The following LRRC37A2 variants were observed in gnomAD, a reference collection of about 807,000 sequenced individuals.
LRRC37A2 encodes the protein leucine-rich repeat-containing protein 37A2.
In LRRC37A2, 9 loss-of-function variants were observed where a neutral mutation model predicts 68.8. The observed-to-expected ratio is 0.13, with a 90% CI of 0.08 to 0.23. The LOEUF (loss-of-function observed/expected upper bound fraction) is 0.23, where lower values mean the gene tolerates loss of function less well. LRRC37A2 is among the 10% of genes least tolerant of loss of function. The pLI is 1.00. For synonymous variants in LRRC37A2, 63 were observed against 367.6 expected (o/e 0.17, Z 9.48); for missense variants, 168 against 950.4 (o/e 0.18, Z 10.82).
the LRRC37A2 span, among the ~76,000 whole-genome samples, chr17:46,969,199 A>G: frequency 1.3e-5 from 2 of 152,202 alleles, no homozygotes; most frequent in Admixed American, 6.5e-5. Context: ...CCAGGTTTCC[A>G]GAGCCTTCTT....
the LRRC37A2 span, among the ~76,000 whole-genome samples, chr17:46,809,637 G>T: frequency 1.3e-5 from 2 of 152,104 alleles, no homozygotes; most frequent in Admixed American, 1.3e-4. Flanking sequence ...CTTTGCCCTC[G>T]CCCCCCTCAC....
At chr17:46,721,741 C>A in the LRRC37A2 span, 1 of 1,605,358 alleles carries the variant, frequency 6.2e-7, no homozygotes, top group South Asian at 1.1e-5. Flanking sequence ...CGGGGATTCT[C>A]TTGCCCACAA....
chr17:46,657,974 T>TTA, the LRRC37A2 span, among the ~76,000 whole-genome samples: 2 of 13,454 alleles, frequency 1.5e-4, no homozygotes, highest in South Asian at 2.9e-3. Flanking sequence ...TTATTTATTT[T>TTA]TTTTTTTTTT....
the LRRC37A2 span, among the ~76,000 whole-genome samples, chr17:46,724,407 A>G: frequency 6.6e-6 from 1 of 152,206 alleles, no homozygotes; most frequent in Non-Finnish European, 1.5e-5. Flanking sequence ...CTAATAGATA[A>G]TAGAGGCCCC....
At chr17:46,708,796 C>G in the LRRC37A2 span, among the ~76,000 whole-genome samples, 1 of 97,482 alleles carries the variant, frequency 1.0e-5, no homozygotes, top group African/African-American at 3.7e-5. Flanking sequence ...ACTTGGCCAC[C>G]ATTTATTTTA....
chr17:46,916,895 C>T, the LRRC37A2 span: 1 of 152,236 alleles, frequency 6.6e-6, no homozygotes, highest in African/African-American at 2.4e-5. Flanking sequence ...AACAGACAGA[C>T]AATGGCAGCC....
the LRRC37A2 span, among the ~76,000 whole-genome samples, chr17:46,779,099 A>ACCCC: frequency 1.2e-4 from 16 of 128,642 alleles, 1 homozygote; most frequent in East Asian, 9.4e-4. Flanking sequence ...ACACACACAC[A>ACCCC]CACACCCCAG....
chr17:47,027,893 A>C, the LRRC37A2 span, among the ~76,000 whole-genome samples: 3 of 151,984 alleles, frequency 2.0e-5, no homozygotes, highest in African/African-American at 7.3e-5. Flanking sequence ...TTTGGTTGAC[A>C]AAACTGTGAG....
chr17:46,923,472 C>T, the LRRC37A2 span: 21 of 1,392,572 alleles, frequency 1.5e-5, no homozygotes, highest in Non-Finnish European at 1.9e-5. Context: ...TGACTACCTG[C>T]TGGGTAGACT....
chr17:46,941,244 A>G, the LRRC37A2 span: 1 of 994,092 alleles, frequency 1.0e-6, no homozygotes, highest in Non-Finnish European at 1.2e-6. Context: ...TTCACTGCGG[A>G]GTTCTGTACA....
chr17:46,933,015 A>C, the LRRC37A2 span: 3 of 152,296 alleles, frequency 2.0e-5, no homozygotes, highest in Admixed American at 2.0e-4. Context: ...AATTTTCCCA[A>C]GTGTTTCAGG....
the LRRC37A2 span, among the ~76,000 whole-genome samples, chr17:46,390,147 G>GAC: frequency 3.8e-5 from 5 of 131,546 alleles, no homozygotes; most frequent in Non-Finnish European, 8.5e-5. Flanking sequence ...CTGTGTGGCG[G>GAC]AGAGACAGCA....
chr17:46,875,420 G>A, the LRRC37A2 span: 1 of 1,511,046 alleles, frequency 6.6e-7, no homozygotes. Flanking sequence ...ACACAGCTGG[G>A]GAGCATGGCT....
the LRRC37A2 span, among the ~76,000 whole-genome samples, chr17:46,842,361 G>C: frequency 5.3e-5 from 8 of 152,092 alleles, no homozygotes; most frequent in Non-Finnish European, 1.0e-4. Flanking sequence ...GTTACAGTTA[G>C]CTTTAAATCT....
At chr17:46,938,570 G>C in the LRRC37A2 span, 1 of 1,578,734 alleles carries the variant, frequency 6.3e-7, no homozygotes, top group Non-Finnish European at 8.7e-7. Context: ...CTTGATGTTT[G>C]TTTTTTTTTC....
the LRRC37A2 span, among the ~76,000 whole-genome samples, chr17:46,864,234 C>A: frequency 6.6e-6 from 1 of 152,146 alleles, no homozygotes; most frequent in Non-Finnish European, 1.5e-5. Context: ...CCAGAGTCAC[C>A]CAGTACCCTG....
chr17:46,810,007 T>TTC, the LRRC37A2 span, among the ~76,000 whole-genome samples: 1 of 146,294 alleles, frequency 6.8e-6, no homozygotes, highest in African/African-American at 2.5e-5. Context: ...TTTCTTTCTT[T>TTC]TTTTTTTTTT....
the LRRC37A2 span, among the ~76,000 whole-genome samples, chr17:46,866,770 C>T: frequency 6.6e-6 from 1 of 152,120 alleles, no homozygotes; most frequent in Non-Finnish European, 1.5e-5. Context: ...CTAGAAACCA[C>T]CTGCCTTGTC....
the LRRC37A2 span, among the ~76,000 whole-genome samples, chr17:47,001,205 A>G: frequency 2.0e-5 from 3 of 152,174 alleles, no homozygotes; most frequent in Admixed American, 2.0e-4. Context: ...ACTGAGTATT[A>G]TGGGGGTATT....
Sources: allele counts gnomAD v4.1 joint callset (sites outside exome capture counted in the v4.1 genomes callset), GRCh38; gene constraint gnomAD v4.1.1; transcripts MANE v1.5; gene names NCBI Gene and HGNC (gene_info 2026-07-23, HGNC 2026-07-21).